Variants in SDK2 observed in about 807,000 individuals in gnomAD.
SDK2 encodes protein sidekick-2.
SDK2 carries 105 observed loss-of-function variants against 253.9 expected under a neutral mutation model. That is an observed-to-expected ratio of 0.41 (90% confidence interval 0.35 to 0.49). SDK2 has a LOEUF of 0.49. Ranked by LOEUF, SDK2 falls within the 20% of genes least tolerant of loss-of-function variation. The pLI is 0.06. For missense variants in SDK2, 2,608 were observed against 3,003.0 expected, an observed-to-expected ratio of 0.87 and a Z score of 3.07; for synonymous variants, 1,249 against 1,234.9, an observed-to-expected ratio of 1.01 and a Z score of -0.24.
At chr17:73,553,485 C>T (rs1264490634) in intron 1 of SDK2, among the ~76,000 whole-genome samples, 2 of 152,136 alleles carry the variant, frequency 1.3e-5, no homozygotes, top group Non-Finnish European at 2.9e-5. Flanking sequence ...TGAGTCACCC[C>T]CAAGCCCTGC....
At chr17:73,399,066 C>T (rs2062997623) in intron 22 of SDK2, 102 bp downstream of exon 22, 1 of 1,183,346 alleles carries the variant, frequency 8.5e-7, no homozygotes, top group Middle Eastern at 2.9e-4. Flanking sequence ...TTGAGAGCTG[C>T]ACATGAAAAT....
intron 1 of SDK2, among the ~76,000 whole-genome samples, chr17:73,621,396 A>G (rs1457346162): frequency 6.6e-6 from 1 of 152,192 alleles, no homozygotes; most frequent in Non-Finnish European, 1.5e-5. Flanking sequence ...GATATATTCA[A>G]AATTACTCTA....
intron 1 of SDK2, among the ~76,000 whole-genome samples, chr17:73,624,038 A>C (rs1264514554): frequency 1.3e-5 from 2 of 151,926 alleles, no homozygotes; most frequent in African/African-American, 4.9e-5. Context: ...GGGCCTCCTC[A>C]ACCTCCAGGC....
At chr17:73,521,140 A>G (rs1158505319) in intron 1 of SDK2, 1 of 150,564 alleles carries the variant, frequency 6.6e-6, no homozygotes, top group Non-Finnish European at 1.5e-5. Flanking sequence ...TCCCAGGCTC[A>G]AGTGATCCTC....
chr17:73,600,951 C>G (rs905837617), intron 1 of SDK2, among the ~76,000 whole-genome samples: 2 of 151,874 alleles, frequency 1.3e-5, no homozygotes, highest in Admixed American at 1.3e-4. Flanking sequence ...GCACAGAAAC[C>G]CACCCAAGAG....
chr17:73,446,578 C>G (rs1277810174), intron 5 of SDK2, among the ~76,000 whole-genome samples: 1 of 152,204 alleles, frequency 6.6e-6, no homozygotes, highest in Non-Finnish European at 1.5e-5. Flanking sequence ...TGGACATGGA[C>G]AGCAGAGGCT....
chr17:73,389,677 T>G (rs1029620150), intron 29 of SDK2, among the ~76,000 whole-genome samples: 3 of 152,186 alleles, frequency 2.0e-5, no homozygotes, highest in Non-Finnish European at 4.4e-5. Flanking sequence ...GCCCTGATCC[T>G]GCGCCCATCT....
chr17:73,402,760 T>C (rs1018212124), intron 18 of SDK2, among the ~76,000 whole-genome samples: 10 of 152,108 alleles, frequency 6.6e-5, no homozygotes, highest in Admixed American at 5.9e-4. Flanking sequence ...TAAGCCACTA[T>C]GCTCGGCCCA....
intron 1 of SDK2, among the ~76,000 whole-genome samples, chr17:73,595,619 G>A (rs1184500707): frequency 6.6e-6 from 1 of 152,216 alleles, no homozygotes; most frequent in East Asian, 1.9e-4. Flanking sequence ...TGGGGCCCAG[G>A]CCAGGCCCAG....
chr17:73,450,181 G>A (rs183890728), intron 4 of SDK2, among the ~76,000 whole-genome samples: 1 of 152,192 alleles, frequency 6.6e-6, no homozygotes, highest in African/African-American at 2.4e-5. Flanking sequence ...GCTGGGGCAC[G>A]GGGTGAGCTC....
chr17:73,548,454 C>G (rs1036046209), intron 1 of SDK2, among the ~76,000 whole-genome samples: 3 of 152,232 alleles, frequency 2.0e-5, no homozygotes, highest in African/African-American at 4.8e-5. Context: ...CTAAGCTCCC[C>G]CTGCAGCTTC....
At chr17:73,376,188 G>A (rs1191799204) in intron 36 of SDK2, among the ~76,000 whole-genome samples, 7 of 144,882 alleles carry the variant, frequency 4.8e-5, no homozygotes, top group Non-Finnish European at 7.4e-5. Context: ...GCAAGACTCC[G>A]TGTCAAAAAA....
At chr17:73,514,759 G>A (rs1267587289) in intron 1 of SDK2, among the ~76,000 whole-genome samples, 1 of 152,176 alleles carries the variant, frequency 6.6e-6, no homozygotes, top group Non-Finnish European at 1.5e-5. Context: ...GAGCTTCCCT[G>A]GAATGCTTGG....
At chr17:73,583,703 T>C (rs2045566902) in intron 1 of SDK2, among the ~76,000 whole-genome samples, 1 of 103,174 alleles carries the variant, frequency 9.7e-6, no homozygotes, top group Admixed American at 9.0e-5. Context: ...GGGCCAAGAG[T>C]GCTTCAGGCT....
At position 73,352,754 on chromosome 17, in the gene SDK2, A is replaced by C; in HGVS notation, c.5594-117T>G. ...GGGCCTGTTGGATCCTCCCTGCTCC[A>C]CACTGAATCGCAGGCCTTGGTCCTC... is the stretch of plus-strand genomic sequence containing the variant. On this transcript the variant is annotated intron_variant, in intron 40 of 44. Coordinates refer to ENST00000392650, the MANE Select transcript of SDK2 (RefSeq NM_001144952.2). This position sits in a 1 kb window ranked among gnomAD's most constrained non-coding sequence, Gnocchi z 4.1. 1 of 1,044,002 alleles carries C rather than the reference A, an allele frequency of 9.6e-7. No homozygotes were observed. The highest frequency in any genetic ancestry group is 1.4e-6 in the Non-Finnish European group (1 of 713,732). The allele number at this position is 1,044,002 out of a possible 1,614,324, so 64.7% of individuals were successfully genotyped here.
rs1250672842 is a variant in SDK2 at position 73,431,638 on chromosome 17, C to T, written c.1344G>A (p.Gln448=). 4.3e-6 allele frequency: 7 copies of T among 1,611,836 alleles called. No individual in the cohort carries two copies. Residue 448 remains glutamine (Q), a synonymous_variant, in exon 11 of 45, where the codon CAG becomes CAA. Transcript: ENST00000392650. This position sits in a 1 kb window ranked among gnomAD's most constrained non-coding sequence, Gnocchi z 5.6. ...GERILASGSV[Q]LPRFTPLESG... ...ACTCCAGGGGTGTGAAGCGAGGCAG[C>T]TGCACAGAGCCACTGGCCAAGATGC...
intron 2 of SDK2, among the ~76,000 whole-genome samples, chr17:73,491,435 C>T (rs1334319404): frequency 3.3e-5 from 5 of 150,806 alleles, no homozygotes; most frequent in Non-Finnish European, 7.4e-5. Context: ...TACAGTGGCA[C>T]GATCACGGCT....
chr17:73,339,213 G>GTTTTTTTTGTTT lies in SDK2; in HGVS notation c.6166-274_6166-273insAAACAAAAAAAA, dbSNP rs1568356151. Among the ~76,000 whole-genome samples the GTTTTTTTTGTTT allele has an allele frequency of 7.1e-5, 9 of 127,608 alleles. 2 individuals are homozygous for GTTTTTTTTGTTT. Among genetic ancestry groups the GTTTTTTTTGTTT allele is most frequent in the Non-Finnish European group, 1.0e-4 (6 of 58,738 alleles). The allele number at this position is 127,608 out of a possible 152,430, so 83.7% of individuals were successfully genotyped here. On this transcript the variant is annotated intron_variant, in intron 44 of 44. Transcript: ENST00000392650. ...TACCTGATAGAATCAGAAGACCTGA[G>GTTTTTTTTGTTT]TTTTTTTTTGTTTTTGTTTTTGTTT...
chr17:73,400,503 G>A (rs1430568999), intron 21 of SDK2, among the ~76,000 whole-genome samples: 1 of 152,196 alleles, frequency 6.6e-6, no homozygotes, highest in Non-Finnish European at 1.5e-5. Flanking sequence ...AGAGCTGTGG[G>A]AGGATGCAGC....
Sources: gnomAD v4.1 joint callset for allele counts (sites outside exome capture counted in the v4.1 genomes callset) on GRCh38, gnomAD v4.1.1 for gene constraint, Gnocchi (gnomAD v3.1) non-coding constraint, MANE v1.5 for transcripts, NCBI Gene and HGNC (gene_info 2026-07-23, HGNC 2026-07-21) for gene names.